Variants in OXR1 observed in about 807,000 individuals in gnomAD.
OXR1 encodes the protein oxidation resistance protein 1.
Under a neutral mutation model 104.6 loss-of-function variants are expected in OXR1, and 41 were observed. The observed-to-expected ratio is 0.39, with a 90% CI of 0.31 to 0.51. OXR1 has a LOEUF of 0.51. Ranked by LOEUF, OXR1 falls within the 20% of genes least tolerant of loss-of-function variation. The pLI is 0.77. For synonymous variants in OXR1, 348 were observed against 348.4 expected, an observed-to-expected ratio of 1.00 and a Z score of 0.01; for missense variants, 955 against 1,031.9, an observed-to-expected ratio of 0.93 and a Z score of 1.02.
chr8:106,735,109 CA>C (rs1183876832), intron 11 of OXR1, among the ~76,000 whole-genome samples: 1 of 151,968 alleles, frequency 6.6e-6, no homozygotes. Context: ...CCAGTTTCCT[CA>C]TATATACTGG....
At chr8:106,556,700 C>G (rs959288797) in intron 3 of OXR1, among the ~76,000 whole-genome samples, 1 of 152,198 alleles carries the variant, frequency 6.6e-6, no homozygotes, top group African/African-American at 2.4e-5. Context: ...AAAACTCACT[C>G]CAGCAAAAGC....
chr8:106,486,704 C>A (rs1425913489), intron 2 of OXR1, among the ~76,000 whole-genome samples: 2 of 151,928 alleles, frequency 1.3e-5, no homozygotes, highest in Non-Finnish European at 2.9e-5. Flanking sequence ...TTTCAATTTT[C>A]ATTTATATTC....
intron 6 of OXR1, among the ~76,000 whole-genome samples, chr8:106,691,498 A>G (rs1438805068): frequency 6.6e-6 from 1 of 151,690 alleles, no homozygotes; most frequent in Non-Finnish European, 1.5e-5. Flanking sequence ...AATTACATTG[A>G]CAAATTGGTA....
At chr8:106,303,248 C>CTTTTTTTTTTTTTTTTTTTTT in intron 1 of OXR1, among the ~76,000 whole-genome samples, 1 of 92,364 alleles carries the variant, frequency 1.1e-5, no homozygotes, top group African/African-American at 4.8e-5. Context: ...TTTTTTCTTT[C>CTTTTTTTTTTTTTTTTTTTTT]TTTTTTTTTT....
At chr8:106,291,430 A>G (rs1812744851) in intron 1 of OXR1, among the ~76,000 whole-genome samples, 2 of 152,176 alleles carry the variant, frequency 1.3e-5, no homozygotes, top group Non-Finnish European at 2.9e-5. Flanking sequence ...TCTCAGTGGA[A>G]ACCATTATAA....
At chr8:106,671,707 C>CT (rs1827000100) in intron 3 of OXR1, among the ~76,000 whole-genome samples, 1 of 150,926 alleles carries the variant, frequency 6.6e-6, no homozygotes, top group Non-Finnish European at 1.5e-5. Flanking sequence ...TCTCAGCAAA[C>CT]TATCACAAGG....
intron 11 of OXR1, among the ~76,000 whole-genome samples, chr8:106,728,353 T>C (rs1346862108): frequency 1.3e-5 from 2 of 152,126 alleles, no homozygotes; most frequent in Admixed American, 1.3e-4. Context: ...TATGGCCATA[T>C]TATTACTACC....
At chr8:106,514,742 A>G (rs1812753080) in intron 2 of OXR1, among the ~76,000 whole-genome samples, 1 of 152,144 alleles carries the variant, frequency 6.6e-6, no homozygotes, top group African/African-American at 2.4e-5. Context: ...CTTTAGATCA[A>G]TTCTAAAATG....
At chr8:106,379,410 G>A (rs1817040581) in intron 2 of OXR1, among the ~76,000 whole-genome samples, 1 of 151,972 alleles carries the variant, frequency 6.6e-6, no homozygotes, top group Non-Finnish European at 1.5e-5. Flanking sequence ...AACATTATAA[G>A]CATGTAAGAT....
At chr8:106,307,863 A>G (rs1262637852) in intron 1 of OXR1, among the ~76,000 whole-genome samples, 2 of 152,172 alleles carry the variant, frequency 1.3e-5, no homozygotes, top group Non-Finnish European at 2.9e-5. Flanking sequence ...GATATTTCTG[A>G]GGATACAGTA....
At chr8:106,699,211 T>C (rs549458454) in intron 7 of OXR1, among the ~76,000 whole-genome samples, 1 of 152,336 alleles carries the variant, frequency 6.6e-6, no homozygotes, top group South Asian at 2.1e-4. Context: ...CGAACTATTC[T>C]TACTGTGTGG....
intron 11 of OXR1, among the ~76,000 whole-genome samples, chr8:106,721,031 A>G (rs1417584050): frequency 2.0e-5 from 3 of 152,126 alleles, no homozygotes; most frequent in African/African-American, 7.2e-5. Flanking sequence ...ATGCTGGACA[A>G]TATCAGCATC....
intron 3 of OXR1, among the ~76,000 whole-genome samples, chr8:106,603,846 A>C (rs988639016): frequency 1.3e-5 from 2 of 152,264 alleles, no homozygotes; most frequent in Non-Finnish European, 2.9e-5. Flanking sequence ...TGAGGTCAGC[A>C]GTTCAAGACC....
At chr8:106,335,521 A>G (rs562324615) in intron 1 of OXR1, among the ~76,000 whole-genome samples, 8 of 152,236 alleles carry the variant, frequency 5.3e-5, no homozygotes, top group African/African-American at 1.9e-4. Context: ...ACATTTCTCC[A>G]TGGAAGGACA....
At chr8:106,359,239 G>A (rs371379372) in intron 1 of OXR1, among the ~76,000 whole-genome samples, 10 of 151,962 alleles carry the variant, frequency 6.6e-5, no homozygotes, top group East Asian at 5.8e-4. Context: ...TCTCTACTCC[G>A]GGGATTTAAC....
chr8:106,302,787 T>G (rs1336728965), intron 1 of OXR1, among the ~76,000 whole-genome samples: 1 of 152,068 alleles, frequency 6.6e-6, no homozygotes, highest in Admixed American at 6.6e-5. Context: ...AGTCTCGCTC[T>G]GTCACCCAGG....
At chr8:106,488,138 CATT>C (rs1189883619) in intron 2 of OXR1, among the ~76,000 whole-genome samples, 21 of 145,892 alleles carry the variant, frequency 1.4e-4, no homozygotes, top group Admixed American at 4.8e-4. Flanking sequence ...GATGGTATCT[CATT>C]GTGGTTTTGA....
At chr8:106,416,409 T>C (rs768813795) in intron 2 of OXR1, among the ~76,000 whole-genome samples, 11 of 152,106 alleles carry the variant, frequency 7.2e-5, no homozygotes, top group Non-Finnish European at 1.3e-4. Context: ...TGGCTATCCA[T>C]TGGTATTTCT....
chr8:106,462,882 T>G (rs1820983732), intron 2 of OXR1, among the ~76,000 whole-genome samples: 1 of 152,128 alleles, frequency 6.6e-6, no homozygotes, highest in African/African-American at 2.4e-5. Flanking sequence ...ACTTAAATTA[T>G]TTCTGTAGTT....
Sources: gnomAD v4.1 joint callset for allele counts (sites outside exome capture counted in the v4.1 genomes callset) on GRCh38, gnomAD v4.1.1 for gene constraint, MANE v1.5 for transcripts, NCBI Gene and HGNC (gene_info 2026-07-23, HGNC 2026-07-21) for gene names.